Variants in GRM5 observed in about 807,000 individuals in gnomAD.
The protein encoded by GRM5 is glutamate metabotropic receptor 5.
A neutral mutation model predicts 83.1 loss-of-function variants in GRM5; 19 were observed. The ratio of observed to expected loss-of-function variants is 0.23; its 90% CI spans 0.16 to 0.34. The LOEUF (loss-of-function observed/expected upper bound fraction) is 0.34. Ranked by LOEUF, GRM5 falls within the 10% of genes least tolerant of loss-of-function variation. The probability of loss-of-function intolerance (pLI) is 1.00; values close to 1 mark genes in which losing one functional copy is unlikely to be tolerated. For synonymous variants in GRM5, 675 were observed against 633.6 expected (o/e 1.07, Z -0.98); for missense variants, 1,160 against 1,588.3 (o/e 0.73, Z 4.58).
rs185982302 is a variant in GRM5 at position 88,709,244 on chromosome 11, C to T, written c.912-55841G>A. ...GGGAGTGGCATGTGCAAAGACATAG[C>T]CATGTAAGGGATCATGTTCAGGGCC... is the stretch of plus-strand genomic sequence containing the variant. On this transcript the variant is annotated intron_variant, in intron 3 of 9. Transcript: ENST00000305447. Among the ~76,000 whole-genome samples the T allele has an allele frequency of 8.5e-4, 129 of 151,906 alleles. No homozygotes were observed. In the Middle Eastern group the frequency reaches 0.014, roughly 16 times the overall value.
chr11:88,643,027 A>C (rs542870789), intron 4 of GRM5, among the ~76,000 whole-genome samples: 3 of 152,018 alleles, frequency 2.0e-5, no homozygotes, highest in Admixed American at 2.0e-4. Flanking sequence ...CCTTGATACC[A>C]ATTTCCTGTG....
intron 2 of GRM5, among the ~76,000 whole-genome samples, chr11:88,911,467 G>C (rs1945497701): frequency 6.6e-6 from 1 of 152,064 alleles, no homozygotes; most frequent in South Asian, 2.1e-4. Flanking sequence ...TAGATTTTTT[G>C]TACTCAACAG....
intron 1 of GRM5, among the ~76,000 whole-genome samples, chr11:89,054,988 G>A (rs1226154099): frequency 6.6e-6 from 1 of 152,144 alleles, no homozygotes; most frequent in Non-Finnish European, 1.5e-5. Context: ...TTGGAACTGA[G>A]GGATATGCTT....
intron 5 of GRM5, 49 bp downstream of exon 5, chr11:88,604,669 T>C (rs1398276901): frequency 2.3e-5 from 34 of 1,467,182 alleles, no homozygotes; most frequent in Non-Finnish European, 3.2e-5. Context: ...GATCAAGAGT[T>C]GGCTGTTATT....
intron 2 of GRM5, among the ~76,000 whole-genome samples, chr11:88,985,854 T>C (rs1488109953): frequency 2.0e-5 from 3 of 152,138 alleles, no homozygotes; most frequent in Non-Finnish European, 4.4e-5. Context: ...AAAACATAAC[T>C]GCTAGTGTGT....
At chr11:88,678,774 T>C (rs955078222) in intron 3 of GRM5, among the ~76,000 whole-genome samples, 21 of 152,164 alleles carry the variant, frequency 1.4e-4, no homozygotes, top group Non-Finnish European at 2.4e-4. Flanking sequence ...AGTGAACATT[T>C]AATCTCAGAT....
At chr11:88,547,552 T>G (rs1260176243) in intron 8 of GRM5, among the ~76,000 whole-genome samples, 1 of 152,188 alleles carries the variant, frequency 6.6e-6, no homozygotes, top group Non-Finnish European at 1.5e-5. Context: ...CTCCCATTAT[T>G]CTTGTACTCA....
At chr11:88,862,966 C>G (rs955898181) in intron 2 of GRM5, among the ~76,000 whole-genome samples, 24 of 152,134 alleles carry the variant, frequency 1.6e-4, no homozygotes, top group African/African-American at 5.8e-4. Flanking sequence ...TGAACAAACA[C>G]TTCTCAAAAG....
intron 3 of GRM5, among the ~76,000 whole-genome samples, chr11:88,747,378 C>T (rs890050784): frequency 2.6e-5 from 4 of 152,068 alleles, no homozygotes; most frequent in African/African-American, 9.7e-5. Context: ...AGATATAGAA[C>T]GAAGATAAAT....
chr11:89,001,156 G>A (rs1209018512), intron 2 of GRM5, among the ~76,000 whole-genome samples: 1 of 151,348 alleles, frequency 6.6e-6, no homozygotes, highest in Non-Finnish European at 1.5e-5. Context: ...GTTTCTTGGT[G>A]GAAAAAAAAA....
intron 2 of GRM5, among the ~76,000 whole-genome samples, chr11:88,975,953 T>C (rs1162114692): frequency 2.0e-5 from 3 of 152,220 alleles, no homozygotes; most frequent in African/African-American, 7.2e-5. Context: ...ATAATGTGCC[T>C]AGCTTCCATT....
chr11:88,703,593 C>T (rs972678937), intron 3 of GRM5, among the ~76,000 whole-genome samples: 4 of 152,012 alleles, frequency 2.6e-5, no homozygotes, highest in African/African-American at 7.2e-5. Context: ...CTCCACATGT[C>T]ATGAGAGGGA....
chr11:88,687,952 T>C (rs932507420), intron 3 of GRM5, among the ~76,000 whole-genome samples: 3 of 152,074 alleles, frequency 2.0e-5, no homozygotes, highest in East Asian at 1.9e-4. Context: ...TTTTCTGAAG[T>C]CCCAAATATT....
At chr11:88,591,395 C>CT (rs1274171116) in intron 6 of GRM5, among the ~76,000 whole-genome samples, 1 of 152,040 alleles carries the variant, frequency 6.6e-6, no homozygotes, top group African/African-American at 2.4e-5. Context: ...ATCTATCTGA[C>CT]TTTTTTAAGG....
intron 3 of GRM5, among the ~76,000 whole-genome samples, chr11:88,719,298 A>ATAAG (rs1317810184): frequency 6.6e-5 from 10 of 151,966 alleles, no homozygotes; most frequent in African/African-American, 1.9e-4. Context: ...GCTCCCATTT[A>ATAAG]TAAGTGAGAA....
intron 2 of GRM5, among the ~76,000 whole-genome samples, chr11:88,910,236 C>T (rs1413207345): frequency 6.6e-6 from 1 of 152,038 alleles, no homozygotes; most frequent in East Asian, 1.9e-4. Flanking sequence ...CGTGTTGTGG[C>T]ATGTATCAGA....
intron 3 of GRM5, among the ~76,000 whole-genome samples, chr11:88,767,484 CT>C (rs1942646168): frequency 1.3e-5 from 2 of 152,028 alleles, no homozygotes; most frequent in Non-Finnish European, 2.9e-5. Flanking sequence ...CCATGGAATA[CT>C]ATGCAGCCAT....
intron 2 of GRM5, among the ~76,000 whole-genome samples, chr11:88,976,814 G>A (rs1939353381): frequency 6.6e-6 from 1 of 151,804 alleles, no homozygotes. Context: ...GTTCTTTTAT[G>A]CTGCTAGTGA....
intron 1 of GRM5, among the ~76,000 whole-genome samples, chr11:89,061,789 C>A (rs1252546302): frequency 6.6e-6 from 1 of 152,246 alleles, no homozygotes; most frequent in African/African-American, 2.4e-5. Flanking sequence ...CATCTCGACA[C>A]ATCCTTTCAT....
Sources: gnomAD v4.1 joint callset for allele counts (sites outside exome capture counted in the v4.1 genomes callset) on GRCh38, gnomAD v4.1.1 for gene constraint, MANE v1.5 for transcripts, NCBI Gene and HGNC (gene_info 2026-07-23, HGNC 2026-07-21) for gene names.